PAK1: variants seen among roughly 807,000 people sequenced by gnomAD.
PAK1 encodes the protein p21 (RAC1) activated kinase 1.
PAK1 carries 29 observed loss-of-function variants against 67.4 expected under a neutral mutation model. That is an observed-to-expected ratio of 0.43 (90% CI 0.32 to 0.59). The LOEUF (loss-of-function observed/expected upper bound fraction) is 0.59, where lower values mean the gene tolerates loss of function less well. PAK1 is among the 20% of genes least tolerant of loss of function. PAK1 has a pLI of 0.07. For synonymous variants in PAK1, 223 were observed against 237.4 expected (o/e 0.94, Z 0.56); for missense variants, 337 against 670.7 (o/e 0.50, Z 5.50).
intron 1 of PAK1, among the ~76,000 whole-genome samples, chr11:77,394,613 A>G (rs1951594365): frequency 6.6e-6 from 1 of 152,072 alleles, no homozygotes; most frequent in Admixed American, 6.6e-5. Flanking sequence ...TTGGGAGACC[A>G]AGGTGGGCAG....
At chr11:77,500,701 G>A in the PAK1 span, among the ~76,000 whole-genome samples, 1 of 151,036 alleles carries the variant, frequency 6.6e-6, no homozygotes, top group Non-Finnish European at 1.5e-5. Flanking sequence ...AAAATTAGCT[G>A]GGTGTGATGA....
At chr11:77,482,978 C>T in the PAK1 span, among the ~76,000 whole-genome samples, 1 of 152,068 alleles carries the variant, frequency 6.6e-6, no homozygotes, top group Non-Finnish European at 1.5e-5. Context: ...AGGTGGATCA[C>T]CTGAGGTCAG....
At chr11:77,415,101 G>T (rs1954876319) in intron 1 of PAK1, among the ~76,000 whole-genome samples, 1 of 152,168 alleles carries the variant, frequency 6.6e-6, no homozygotes, top group Non-Finnish European at 1.5e-5. Context: ...GAAGATATAT[G>T]CATGACAAAT....
At chr11:77,356,937 T>C (rs1307720522) in intron 6 of PAK1, among the ~76,000 whole-genome samples, 1 of 152,208 alleles carries the variant, frequency 6.6e-6, no homozygotes, top group Non-Finnish European at 1.5e-5. Flanking sequence ...ACAGATTTTA[T>C]CATAAAAATA....
chr11:77,394,252 A>G (rs1236164071), intron 1 of PAK1, among the ~76,000 whole-genome samples: 1 of 152,178 alleles, frequency 6.6e-6, no homozygotes, highest in Non-Finnish European at 1.5e-5. Context: ...AACCAGCACA[A>G]TAATTACCAA....
intron 1 of PAK1, among the ~76,000 whole-genome samples, chr11:77,466,629 C>T (rs943563856): frequency 6.6e-6 from 1 of 151,936 alleles, no homozygotes; most frequent in African/African-American, 2.4e-5. Flanking sequence ...CTTCAAATGA[C>T]AGCTTGATGT....
chr11:77,353,318 T>C, intron 8 of PAK1: 1 of 468,290 alleles, frequency 2.1e-6, no homozygotes. Flanking sequence ...ACTGCAGGGG[T>C]ATTTTTAGCA....
chr11:77,372,024 T>A (rs1041042728), intron 5 of PAK1, among the ~76,000 whole-genome samples: 1 of 152,210 alleles, frequency 6.6e-6, no homozygotes, highest in African/African-American at 2.4e-5. Flanking sequence ...TAATTATAAG[T>A]CTTCAGGAAA....
At chr11:77,492,286 G>A in the PAK1 span, among the ~76,000 whole-genome samples, 2 of 151,266 alleles carry the variant, frequency 1.3e-5, no homozygotes, top group East Asian at 1.9e-4. Context: ...AGTGAGCTGA[G>A]ATCACGCCAC....
At chr11:77,490,476 C>G in the PAK1 span, among the ~76,000 whole-genome samples, 1 of 149,692 alleles carries the variant, frequency 6.7e-6, no homozygotes, top group Non-Finnish European at 1.5e-5. Flanking sequence ...AGCCCCCCGC[C>G]CGGCCAGCCG....
chr11:77,490,211 C>G, the PAK1 span, among the ~76,000 whole-genome samples: 2 of 151,666 alleles, frequency 1.3e-5, no homozygotes, highest in Non-Finnish European at 2.9e-5. Flanking sequence ...AGCCCCTCCG[C>G]CCAGCAACCA....
chr11:77,449,707 A>AT (rs1956773520), intron 1 of PAK1, among the ~76,000 whole-genome samples: 1 of 151,760 alleles, frequency 6.6e-6, no homozygotes, highest in Non-Finnish European at 1.5e-5. Flanking sequence ...AAAAAAAAAA[A>AT]AAAAAATCAC....
At chr11:77,495,455 C>G in the PAK1 span, among the ~76,000 whole-genome samples, 1 of 152,000 alleles carries the variant, frequency 6.6e-6, no homozygotes, top group Non-Finnish European at 1.5e-5. Context: ...GCCTGGGCAA[C>G]AAAACAAGAT....
chr11:77,362,160 G>C (rs1258293718), intron 5 of PAK1, among the ~76,000 whole-genome samples: 1 of 152,084 alleles, frequency 6.6e-6, no homozygotes, highest in Non-Finnish European at 1.5e-5. Context: ...TAGTACCCTG[G>C]ATTATATCCT....
chr11:77,473,506 G>C (rs900252696), intron 1 of PAK1, 46 bp downstream of exon 1: 1 of 152,372 alleles, frequency 6.6e-6, no homozygotes, highest in Admixed American at 6.5e-5. Context: ...CCCCAGCCCT[G>C]GCAGCCCGGG....
chr11:77,337,192 C>A, intron 12 of PAK1, 132 bp downstream of exon 12: 2 of 499,000 alleles, frequency 4.0e-6, no homozygotes, highest in East Asian at 3.1e-5. Flanking sequence ...AAATATAAAA[C>A]AGCCCTCATA....
At chr11:77,475,633 C>T (rs911267451), upstream of PAK1, 1 of 152,202 alleles carries the variant, frequency 6.6e-6, no homozygotes, top group African/African-American at 2.4e-5. Context: ...CTGGCCAACA[C>T]CTATTCATTG....
intron 1 of PAK1, among the ~76,000 whole-genome samples, chr11:77,451,437 C>G (rs1956847237): frequency 1.3e-5 from 2 of 152,172 alleles, no homozygotes; most frequent in Non-Finnish European, 2.9e-5. Context: ...TTTGTCCAAT[C>G]ATATTTCTCC....
chr11:77,405,674 GACACACACACAC>G (rs1555167119), intron 1 of PAK1, among the ~76,000 whole-genome samples: 19 of 125,892 alleles, frequency 1.5e-4, no homozygotes, highest in East Asian at 8.7e-4. Flanking sequence ...CAGACAGACA[GACACACACACAC>G]ACACACACAC....
Sources: allele counts gnomAD v4.1 joint callset (sites outside exome capture counted in the v4.1 genomes callset), GRCh38; gene constraint gnomAD v4.1.1; transcripts MANE v1.5; gene names NCBI Gene and HGNC (gene_info 2026-07-23, HGNC 2026-07-21).